Variants in PDE4D observed in about 807,000 individuals in gnomAD.
PDE4D encodes 3',5'-cyclic-AMP phosphodiesterase 4D.
A neutral mutation model predicts 87.4 loss-of-function variants in PDE4D; 24 were observed. The ratio of observed to expected loss-of-function variants is 0.27; its 90% CI spans 0.20 to 0.39. The LOEUF is 0.39. Among genes scored for constraint, PDE4D ranks in the 10% least tolerant of loss-of-function variants. The pLI, the probability that PDE4D is intolerant of heterozygous loss-of-function variation, is 1.00. For missense variants in PDE4D, 714 were observed against 1,041.0 expected (o/e 0.69, Z 4.32); for synonymous variants, 384 against 383.2 (o/e 1.00, Z -0.02).
At chr5:59,416,604 A>G (rs1793657541) in intron 1 of PDE4D, among the ~76,000 whole-genome samples, 1 of 152,216 alleles carries the variant, frequency 6.6e-6, no homozygotes, top group Non-Finnish European at 1.5e-5. Flanking sequence ...AGTATCATTT[A>G]TAAAGAAAAA....
intron 1 of PDE4D, among the ~76,000 whole-genome samples, chr5:60,345,312 G>C (rs993498462): frequency 1.3e-5 from 2 of 151,892 alleles, no homozygotes; most frequent in African/African-American, 4.8e-5. Context: ...GGGGGAAGGG[G>C]GAGAGGGAAA....
At chr5:60,070,633 G>C (rs1326798176) in intron 2 of PDE4D, among the ~76,000 whole-genome samples, 1 of 151,824 alleles carries the variant, frequency 6.6e-6, no homozygotes, top group Non-Finnish European at 1.5e-5. Context: ...CATTCTTCAG[G>C]GATATTGGCC....
chr5:59,778,681 T>G (rs935264117), intron 1 of PDE4D, among the ~76,000 whole-genome samples: 4 of 152,220 alleles, frequency 2.6e-5, no homozygotes, highest in Admixed American at 6.5e-5. Context: ...TCATGATTCT[T>G]GTACTTTAAA....
intron 1 of PDE4D, among the ~76,000 whole-genome samples, chr5:59,473,102 A>AG (rs1802724195): frequency 7.2e-6 from 1 of 139,342 alleles, no homozygotes; most frequent in Non-Finnish European, 1.6e-5. Flanking sequence ...AAAAAAAAAA[A>AG]AGAGAAAATA....
chr5:60,160,380 C>A (rs1395345376), intron 2 of PDE4D, among the ~76,000 whole-genome samples: 1 of 151,974 alleles, frequency 6.6e-6, no homozygotes, highest in Admixed American at 6.6e-5. Context: ...TAGTCTTTTC[C>A]CTATTTTGTA....
At chr5:60,294,170 G>T (rs2149779535) in intron 1 of PDE4D, among the ~76,000 whole-genome samples, 1 of 152,236 alleles carries the variant, frequency 6.6e-6, no homozygotes, top group Admixed American at 6.5e-5. Context: ...AATGCATTTA[G>T]CTGAAGCCTA....
intron 1 of PDE4D, among the ~76,000 whole-genome samples, chr5:59,356,441 C>A (rs1399262321): frequency 1.3e-5 from 2 of 152,092 alleles, no homozygotes; most frequent in African/African-American, 2.4e-5. Flanking sequence ...CCTTCCCTAA[C>A]ATTTAGAGTT....
chr5:59,836,244 T>C (rs1401058253), intron 1 of PDE4D, among the ~76,000 whole-genome samples: 1 of 152,006 alleles, frequency 6.6e-6, no homozygotes, highest in Non-Finnish European at 1.5e-5. Flanking sequence ...AGCACAGTAC[T>C]TTATTATTTA....
intron 5 of PDE4D, among the ~76,000 whole-genome samples, chr5:59,154,962 G>A (rs1779951725): frequency 6.6e-6 from 1 of 152,182 alleles, no homozygotes; most frequent in Admixed American, 6.6e-5. Context: ...TTGGCTAAAA[G>A]TGTTTCACTA....
chr5:59,284,524 A>G, intron 1 of PDE4D, among the ~76,000 whole-genome samples: 1 of 151,712 alleles, frequency 6.6e-6, no homozygotes, highest in Non-Finnish European at 1.5e-5. Context: ...ATCATCTCAC[A>G]CCAGTTAGAA....
intron 1 of PDE4D, among the ~76,000 whole-genome samples, chr5:59,782,201 A>G (rs1311259277): frequency 2.0e-5 from 3 of 152,202 alleles, no homozygotes; most frequent in East Asian, 3.8e-4. Context: ...CCATATAGAC[A>G]TCCTCGAGTC....
At chr5:59,949,900 A>C (rs896628050) in intron 3 of PDE4D, among the ~76,000 whole-genome samples, 3 of 152,192 alleles carry the variant, frequency 2.0e-5, no homozygotes, top group African/African-American at 7.2e-5. Flanking sequence ...TTAAGAAGAA[A>C]CATGAAACAA....
chr5:59,727,862 T>C (rs1756829864), intron 1 of PDE4D, among the ~76,000 whole-genome samples: 1 of 152,088 alleles, frequency 6.6e-6, no homozygotes, highest in African/African-American at 2.4e-5. Context: ...CAATACTTGG[T>C]AGACAATAGG....
At chr5:60,156,318 A>G (rs1022544866) in intron 2 of PDE4D, among the ~76,000 whole-genome samples, 1 of 152,212 alleles carries the variant, frequency 6.6e-6, no homozygotes, top group African/African-American at 2.4e-5. Context: ...GAGAATGTAT[A>G]TCTGGTTATT....
chr5:60,350,825 A>G (rs1337640408), intron 1 of PDE4D, among the ~76,000 whole-genome samples: 1 of 152,130 alleles, frequency 6.6e-6, no homozygotes, highest in Non-Finnish European at 1.5e-5. Context: ...GTGGCTCTAA[A>G]AACACCTAGA....
chr5:60,164,632 T>A (rs16890545), intron 2 of PDE4D, among the ~76,000 whole-genome samples: 16,716 of 152,172 alleles, frequency 0.11, 1,425 homozygotes, highest in African/African-American at 0.24. Context: ...AAATGAAAAC[T>A]TGCTCACAGA....
At chr5:59,987,492 C>A (rs946239621) in intron 3 of PDE4D, 13 of 152,108 alleles carry the variant, frequency 8.5e-5, no homozygotes, top group Non-Finnish European at 1.5e-4. Context: ...AGTAAAACAG[C>A]TAAATTCAGT....
intron 1 of PDE4D, among the ~76,000 whole-genome samples, chr5:59,827,428 T>C (rs906233517): frequency 6.6e-6 from 1 of 152,168 alleles, no homozygotes; most frequent in Non-Finnish European, 1.5e-5. Context: ...TGATCACAGA[T>C]ACTAAAATTA....
At chr5:60,278,899 T>C (rs543190345) in intron 1 of PDE4D, among the ~76,000 whole-genome samples, 1 of 152,324 alleles carries the variant, frequency 6.6e-6, no homozygotes, top group East Asian at 1.9e-4. Flanking sequence ...CATCTCAGTG[T>C]TGGTATCTAT....
Sources: allele counts gnomAD v4.1 joint callset (sites outside exome capture counted in the v4.1 genomes callset), GRCh38; gene constraint gnomAD v4.1.1; transcripts MANE v1.5; gene names NCBI Gene and HGNC (gene_info 2026-07-23, HGNC 2026-07-21).